DMD: variants seen among roughly 807,000 people sequenced by gnomAD.
The protein encoded by DMD is dystrophin.
A neutral mutation model predicts 330.1 loss-of-function variants in DMD; 63 were observed. The observed-to-expected ratio is 0.19, with a 90% CI of 0.16 to 0.24. The LOEUF is 0.24. Ranked by LOEUF, DMD falls within the 10% of genes least tolerant of loss-of-function variation. The probability of loss-of-function intolerance (pLI) is 1.00; values close to 1 mark genes in which losing one functional copy is unlikely to be tolerated. For synonymous variants in DMD, 1,223 were observed against 959.8 expected (o/e 1.27, Z -5.07); for missense variants, 3,344 against 2,684.1 (o/e 1.25, Z -5.43).
chrX:31,385,222 C>A (rs1462517536), intron 60 of DMD, among the ~76,000 whole-genome samples: 1 of 111,499 alleles, frequency 9.0e-6, no homozygotes, highest in African/African-American at 3.3e-5. Flanking sequence ...TTGGATAAAG[C>A]CCAGAGCCAT....
intron 47 of DMD, among the ~76,000 whole-genome samples, chrX:31,914,225 C>T (rs1392620900): frequency 1.8e-5 from 2 of 111,483 alleles, no homozygotes; most frequent in African/African-American, 3.3e-5. Flanking sequence ...TTACTGCTGT[C>T]TTTGTGCCTG....
intron 67 of DMD, among the ~76,000 whole-genome samples, chrX:31,187,133 G>C (rs1461942352): frequency 1.8e-5 from 2 of 112,659 alleles, no homozygotes; most frequent in Non-Finnish European, 3.7e-5. Context: ...AATATTAATA[G>C]TGCCTACCTC....
intron 37 of DMD, among the ~76,000 whole-genome samples, chrX:32,350,005 C>G (rs2097776192): frequency 9.0e-6 from 1 of 111,014 alleles, no homozygotes; most frequent in African/African-American, 3.3e-5. Context: ...ATACAATTAT[C>G]AATTTGGTGA....
intron 51 of DMD, among the ~76,000 whole-genome samples, chrX:31,750,689 G>A (rs1253933805): frequency 1.4e-4 from 15 of 109,988 alleles, no homozygotes; most frequent in Non-Finnish European, 2.5e-4. Context: ...TCAATTAGGA[G>A]AAGAGGAAGT....
At chrX:32,309,054 T>C (rs1334389791) in intron 42 of DMD, among the ~76,000 whole-genome samples, 1 of 111,457 alleles carries the variant, frequency 9.0e-6, no homozygotes, top group South Asian at 3.7e-4. Context: ...CTGACATGGA[T>C]GGAATAGTTC....
chrX:31,299,973 A>C lies in DMD; in HGVS notation c.9224+23625T>G, dbSNP rs765731921. Among the ~76,000 whole-genome samples, 12 of 111,756 alleles carry C rather than the reference A, an allele frequency of 1.1e-4. No homozygotes were observed. The South Asian group carries it at 2.6e-3, about 24-fold the overall frequency. ...GGAATATACAAGAGGAAACAAAAAT[A>C]ATTCTATTCTCTCCAATGGTAAAAG... On this transcript the variant is annotated intron_variant, in intron 62 of 78. Transcript: ENST00000357033.
intron 2 of DMD, among the ~76,000 whole-genome samples, chrX:33,009,512 A>G (rs184162823): frequency 4.5e-5 from 2 of 44,032 alleles, no homozygotes; most frequent in Admixed American, 2.2e-4. Flanking sequence ...ATGTGTATAT[A>G]CACATATGTG....
intron 1 of DMD, among the ~76,000 whole-genome samples, chrX:33,144,387 C>A (rs888185815): frequency 9.0e-6 from 1 of 111,032 alleles, no homozygotes; most frequent in Middle Eastern, 4.3e-3. Flanking sequence ...TTATAGTTAA[C>A]AATAATTAAT....
intron 20 of DMD, among the ~76,000 whole-genome samples, chrX:32,489,998 G>C (rs770698003): frequency 3.6e-5 from 4 of 112,037 alleles, no homozygotes; most frequent in Non-Finnish European, 7.5e-5. Context: ...CACAAGAACA[G>C]AAAACCTAAT....
intron 1 of DMD, among the ~76,000 whole-genome samples, chrX:33,298,581 C>T (rs904706218): frequency 9.0e-6 from 1 of 111,693 alleles, no homozygotes; most frequent in African/African-American, 3.3e-5. Context: ...GCGTATCGGA[C>T]ACTTTAGGAA....
chrX:31,176,454 C>T (rs1024950456), intron 71 of DMD, among the ~76,000 whole-genome samples: 10 of 111,510 alleles, frequency 9.0e-5, no homozygotes, highest in African/African-American at 3.2e-4. Context: ...CTTTCAAGGA[C>T]TATTAATTAC....
chrX:33,263,771 G>A (rs940561134), intron 1 of DMD, among the ~76,000 whole-genome samples: 2 of 109,792 alleles, frequency 1.8e-5, no homozygotes, highest in African/African-American at 6.6e-5. Flanking sequence ...TGTTTGCTCA[G>A]GTTAAATTTA....
At chrX:31,334,774 TA>T (rs1476570616) in intron 61 of DMD, among the ~76,000 whole-genome samples, 44 of 112,096 alleles carry the variant, frequency 3.9e-4, no homozygotes, top group African/African-American at 1.2e-3. Context: ...CCATAGTTGA[TA>T]AGACCCTTCC....
chrX:31,479,464 A>G (rs2068077532), intron 57 of DMD, among the ~76,000 whole-genome samples: 1 of 112,133 alleles, frequency 8.9e-6, no homozygotes, highest in Non-Finnish European at 1.9e-5. Context: ...GGACTTAAAC[A>G]TACCCCAAAT....
chrX:32,571,439 T>A (rs966070023), intron 15 of DMD, among the ~76,000 whole-genome samples: 12 of 111,692 alleles, frequency 1.1e-4, no homozygotes, highest in African/African-American at 3.6e-4. Context: ...GATACCACTT[T>A]CCCCTTGTGG....
chrX:33,232,136 TCAGA>T (rs1477452730), intron 1 of DMD, among the ~76,000 whole-genome samples: 1 of 112,201 alleles, frequency 8.9e-6, no homozygotes, highest in Non-Finnish European at 1.9e-5. Flanking sequence ...GAATACTTTA[TCAGA>T]CAAACACGCT....
intron 63 of DMD, among the ~76,000 whole-genome samples, chrX:31,250,186 G>T (rs1317949883): frequency 8.9e-6 from 1 of 111,800 alleles, no homozygotes; most frequent in East Asian, 2.8e-4. Flanking sequence ...ATATATCACA[G>T]TTTATATTCT....
chrX:32,597,438 AC>A (rs1219091924), intron 12 of DMD, among the ~76,000 whole-genome samples: 52 of 111,726 alleles, frequency 4.7e-4, no homozygotes, highest in African/African-American at 1.7e-3. Context: ...GAAAACATGC[AC>A]AGATGAGTTT....
At chrX:32,996,103 T>C (rs1246743840) in intron 2 of DMD, among the ~76,000 whole-genome samples, 2 of 112,036 alleles carry the variant, frequency 1.8e-5, no homozygotes, top group Non-Finnish European at 3.8e-5. Flanking sequence ...AATGACTCAG[T>C]CCTACAGAGT....
Sources: allele counts gnomAD v4.1 joint callset (sites outside exome capture counted in the v4.1 genomes callset), GRCh38; gene constraint gnomAD v4.1.1; transcripts MANE v1.5; gene names NCBI Gene and HGNC (gene_info 2026-07-23, HGNC 2026-07-21).